The following TAFA2 variants were observed in gnomAD, a reference collection of about 807,000 sequenced individuals.
TAFA2 encodes the protein chemokine-like protein TAFA-2.
Under a neutral mutation model 18.8 loss-of-function variants are expected in TAFA2, and 7 were observed. The ratio of observed to expected loss-of-function variants is 0.37; its 90% CI spans 0.21 to 0.70. The LOEUF (loss-of-function observed/expected upper bound fraction) is 0.70. Ranked by LOEUF, TAFA2 falls within the 30% of genes least tolerant of loss-of-function variation. The pLI is 0.53. For missense variants in TAFA2, 122 were observed against 158.1 expected, an observed-to-expected ratio of 0.77 and a Z score of 1.23; for synonymous variants, 60 against 54.2, an observed-to-expected ratio of 1.11 and a Z score of -0.47.
At chr12:62,210,789 G>T (rs1047011389) in intron 1 of TAFA2, among the ~76,000 whole-genome samples, 1 of 152,072 alleles carries the variant, frequency 6.6e-6, no homozygotes, top group Non-Finnish European at 1.5e-5. Flanking sequence ...AAAATAATAA[G>T]AATAGAGAAA....
intron 1 of TAFA2, among the ~76,000 whole-genome samples, chr12:61,958,380 T>C (rs1400432072): frequency 6.6e-6 from 1 of 152,088 alleles, no homozygotes; most frequent in Non-Finnish European, 1.5e-5. Context: ...ACGGTATAAA[T>C]TTACAACATT....
At chr12:62,182,321 C>A (rs2062557890) in intron 1 of TAFA2, among the ~76,000 whole-genome samples, 1 of 152,150 alleles carries the variant, frequency 6.6e-6, no homozygotes, top group Admixed American at 6.6e-5. Context: ...ATTCTGTGCT[C>A]CTATGAAAGA....
chr12:61,870,707 C>T, intron 1 of TAFA2, among the ~76,000 whole-genome samples: 1 of 152,096 alleles, frequency 6.6e-6, no homozygotes, highest in Non-Finnish European at 1.5e-5. Context: ...ACCCACCATG[C>T]CACCTGAAAT....
chr12:62,116,392 C>T (rs553269698), intron 1 of TAFA2, among the ~76,000 whole-genome samples: 7 of 152,296 alleles, frequency 4.6e-5, no homozygotes, highest in Admixed American at 4.6e-4. Context: ...ATTATCACAA[C>T]GACAGATGCT....
intron 1 of TAFA2, among the ~76,000 whole-genome samples, chr12:62,104,592 G>A (rs1018822142): frequency 6.6e-6 from 1 of 152,182 alleles, no homozygotes; most frequent in Admixed American, 6.5e-5. Context: ...AATCTGCTTA[G>A]AGATTCCAGA....
intron 1 of TAFA2, among the ~76,000 whole-genome samples, chr12:61,960,775 C>CAAA (rs34080993): frequency 1.3e-3 from 196 of 145,716 alleles, no homozygotes; most frequent in African/African-American, 4.6e-3. Flanking sequence ...CCTATTTCAC[C>CAAA]AAAAAAAAAA....
rs1246220702 is a variant in TAFA2 at position 62,147,229 on chromosome 12, T to TGC, written c.-2+44029_-2+44030insGC. ...ATAAAAGTTCCAGAAGAAAACCAAA[T>TGC]ACATATATATATATGTATATATGTA... On this transcript the variant is annotated intron_variant, in intron 1 of 4. Coordinates refer to ENST00000416284, the MANE Select transcript of TAFA2 (RefSeq NM_178539.5). Among the ~76,000 whole-genome samples the TGC allele has an allele frequency of 3.6e-5, 5 of 139,830 alleles. No homozygotes were observed. The East Asian group carries it at 7.4e-4, about 21-fold the overall frequency. 91.7% of individuals were successfully genotyped at this position (139,830 alleles called of 152,430 possible). A position where few individuals can be genotyped will look rare whatever the true frequency, so the allele number is the denominator to read the frequency against.
intron 4 of TAFA2, 134 bp downstream of exon 4, chr12:61,753,488 A>G: frequency 1.3e-6 from 1 of 771,312 alleles, no homozygotes; most frequent in Admixed American, 3.0e-5. Context: ...GAACTAAGAA[A>G]AAAATGGGGA....
intron 1 of TAFA2, among the ~76,000 whole-genome samples, chr12:62,214,143 A>G (rs776396585): frequency 3.9e-5 from 6 of 152,206 alleles, no homozygotes; most frequent in African/African-American, 7.2e-5. Flanking sequence ...TTAACTGCCA[A>G]TGTGAGAAAT....
intron 1 of TAFA2, among the ~76,000 whole-genome samples, chr12:62,181,249 A>G (rs1206148685): frequency 6.6e-6 from 1 of 152,216 alleles, no homozygotes; most frequent in Non-Finnish European, 1.5e-5. Flanking sequence ...TTGAAGAAAC[A>G]TATAAAGCTA....
intron 1 of TAFA2, among the ~76,000 whole-genome samples, chr12:61,872,425 T>G (rs1244937692): frequency 6.6e-6 from 1 of 152,156 alleles, no homozygotes; most frequent in Non-Finnish European, 1.5e-5. Context: ...AAATTCGCCC[T>G]TAGGGTAGAA....
rs184456663 is a variant in TAFA2 at position 62,191,108 on chromosome 12, C to T, written c.-2+151G>A. On this transcript the variant is annotated intron_variant, in intron 1 of 4. Coordinates refer to ENST00000416284, the MANE Select transcript of TAFA2 (RefSeq NM_178539.5). ...TGGACCCGCATCTGCCCTCACCTCTCGCCTTCCCCGGGCGATCCCTCTACA... is the reference window on the plus strand; with the variant it reads ...TGGACCCGCATCTGCCCTCACCTCTTGCCTTCCCCGGGCGATCCCTCTACA... 2.6e-5 allele frequency among the ~76,000 whole-genome samples: 4 copies of T among 152,224 alleles called. No homozygotes were observed. The East Asian group carries it at 7.8e-4, about 30-fold the overall frequency.
chr12:61,829,060 A>C (rs1237551507), intron 2 of TAFA2, among the ~76,000 whole-genome samples: 2 of 151,828 alleles, frequency 1.3e-5, no homozygotes, highest in Admixed American at 1.3e-4. Flanking sequence ...AATTGAATTT[A>C]TTTAAATGTC....
At chr12:61,730,710 C>G (rs1870402687) in intron 4 of TAFA2, among the ~76,000 whole-genome samples, 1 of 152,076 alleles carries the variant, frequency 6.6e-6, no homozygotes, top group Non-Finnish European at 1.5e-5. Flanking sequence ...CAGTGACAAG[C>G]ATCACCCAAC....
At chr12:61,986,387 C>T (rs1202591168) in intron 1 of TAFA2, among the ~76,000 whole-genome samples, 1 of 151,772 alleles carries the variant, frequency 6.6e-6, no homozygotes, top group Non-Finnish European at 1.5e-5. Flanking sequence ...TGGTCTAGAA[C>T]TCCTGACCTC....
At chr12:61,915,783 T>C (rs1876798457) in intron 1 of TAFA2, among the ~76,000 whole-genome samples, 1 of 152,174 alleles carries the variant, frequency 6.6e-6, no homozygotes, top group African/African-American at 2.4e-5. Context: ...CATCTGCCCT[T>C]CCTTCACCTT....
intron 2 of TAFA2, among the ~76,000 whole-genome samples, chr12:61,835,151 T>C (rs150011264): frequency 0.015 from 2,224 of 152,042 alleles, 56 homozygotes; most frequent in African/African-American, 0.051. Context: ...AAATAATACA[T>C]AAAATTTGGA....
chr12:62,199,772 G>C (rs900653556), intron 1 of TAFA2, among the ~76,000 whole-genome samples: 9 of 152,134 alleles, frequency 5.9e-5, no homozygotes, highest in African/African-American at 2.2e-4. Flanking sequence ...TATATACCCA[G>C]TAATGGCATT....
At chr12:62,015,004 C>CT (rs1880885293) in intron 1 of TAFA2, among the ~76,000 whole-genome samples, 1 of 152,106 alleles carries the variant, frequency 6.6e-6, no homozygotes, top group South Asian at 2.1e-4. Flanking sequence ...AAACTGTTTT[C>CT]CAAAAAAGTC....
Sources: allele counts gnomAD v4.1 joint callset (sites outside exome capture counted in the v4.1 genomes callset), GRCh38; gene constraint gnomAD v4.1.1; transcripts MANE v1.5; gene names NCBI Gene and HGNC (gene_info 2026-07-23, HGNC 2026-07-21).